RIMKLB: variants seen among roughly 807,000 people sequenced by gnomAD.
The protein encoded by RIMKLB is beta-citrylglutamate synthase B.
RIMKLB carries 7 observed loss-of-function variants against 32.0 expected under a neutral mutation model. The observed-to-expected ratio is 0.22, with a 90% CI of 0.12 to 0.41. The LOEUF (loss-of-function observed/expected upper bound fraction) is 0.41. RIMKLB is among the 10% of genes least tolerant of loss of function. RIMKLB has a pLI of 1.00. For synonymous variants in RIMKLB, 172 were observed against 185.1 expected, an observed-to-expected ratio of 0.93 and a Z score of 0.57; for missense variants, 289 against 498.7, an observed-to-expected ratio of 0.58 and a Z score of 4.00.
chr12:8,754,221 T>A, intron 5 of RIMKLB, 128 bp downstream of exon 5: 1 of 673,140 alleles, frequency 1.5e-6, no homozygotes, highest in Non-Finnish European at 2.6e-6. Flanking sequence ...TACATGTAAA[T>A]ATGATTTTTA....
intron 2 of RIMKLB, among the ~76,000 whole-genome samples, chr12:8,723,801 TC>T (rs1555158695): frequency 1.0e-4 from 14 of 137,250 alleles, no homozygotes; most frequent in African/African-American, 2.7e-4. Context: ...TTTCTTCAGT[TC>T]CCTTTTTTTT....
rs193057826 is a variant in RIMKLB, at chr12:8,772,132, A to G, written c.698-1189A>G. On this transcript the variant is annotated intron_variant, in intron 5 of 5. Transcript: ENST00000535829. ...TTGAACTCCTGACCTCAAGTGATCC[A>G]CCTCAGCCTCCCAAAGTGTTGGGAT... Among the ~76,000 whole-genome samples, 140 of 152,192 alleles carry G rather than the reference A, an allele frequency of 9.2e-4. 2 individuals carry two copies. In the East Asian group the frequency reaches 0.017, roughly 18 times the overall value.
At chr12:8,767,406 C>T (rs1479858056) in intron 5 of RIMKLB, among the ~76,000 whole-genome samples, 1 of 150,490 alleles carries the variant, frequency 6.6e-6, no homozygotes, top group Non-Finnish European at 1.5e-5. Context: ...CCTAAGGACG[C>T]AGTGTAGAGC....
At chr12:8,684,196 T>G (rs1309473666) in intron 1 of RIMKLB, among the ~76,000 whole-genome samples, 1 of 151,492 alleles carries the variant, frequency 6.6e-6, no homozygotes, top group Non-Finnish European at 1.5e-5. Flanking sequence ...TTTTTTTAGA[T>G]GGAGTCTCGC....
intron 5 of RIMKLB, 115 bp from the exon 6 acceptor site, chr12:8,773,206 A>G (rs1427279502): frequency 2.8e-6 from 2 of 714,824 alleles, no homozygotes; most frequent in East Asian, 2.5e-5. Flanking sequence ...ACACTAGAAT[A>G]ACGCCTTTGT....
intron 4 of RIMKLB, 58 bp downstream of exon 4, chr12:8,752,101 T>C: frequency 1.8e-6 from 2 of 1,083,808 alleles, no homozygotes; most frequent in Non-Finnish European, 2.8e-6. Flanking sequence ...CTTATTAATA[T>C]GGAGTGACTT....
chr12:8,705,088 C>T (rs768835608), intron 1 of RIMKLB, among the ~76,000 whole-genome samples: 53 of 151,938 alleles, frequency 3.5e-4, no homozygotes, highest in Middle Eastern at 3.4e-3. Flanking sequence ...GAAGCATGGA[C>T]GAATATAATG....
chr12:8,745,774 A>C lies in RIMKLB; in HGVS notation c.176-4088A>C, dbSNP rs1948029709. On this transcript the variant is annotated intron_variant, in intron 2 of 5. Coordinates refer to ENST00000535829, the MANE Select transcript of RIMKLB (RefSeq NM_001297776.2). The stretch of plus-strand genomic sequence containing the variant: ...CAGTGGCTGGATCTCAGCTCAGTGC[A>C]ACCTCTGCCTCGTAGGTACAAGTGA... Among the ~76,000 whole-genome samples the C allele has an allele frequency of 2.7e-5, 4 of 149,536 alleles. 1 individual carries two copies. The highest frequency in any genetic ancestry group is 1.3e-4 in the Admixed American group (2 of 14,894).
intron 2 of RIMKLB, among the ~76,000 whole-genome samples, chr12:8,734,336 C>A (rs146347437): frequency 2.0e-5 from 3 of 152,214 alleles, no homozygotes; most frequent in Non-Finnish European, 4.4e-5. Context: ...TGTATTTTAA[C>A]ATGGCTGGAA....
intron 2 of RIMKLB, among the ~76,000 whole-genome samples, chr12:8,718,667 A>ATGTGTGTGTG (rs1296960908): frequency 5.5e-4 from 73 of 132,726 alleles, no homozygotes; most frequent in Middle Eastern, 7.5e-3. Context: ...ATATATATAT[A>ATGTGTGTGTG]TATGTGTGTG....
chr12:8,762,958 G>A (rs1949655100), intron 5 of RIMKLB, among the ~76,000 whole-genome samples: 1 of 152,204 alleles, frequency 6.6e-6, no homozygotes, highest in Non-Finnish European at 1.5e-5. Flanking sequence ...TGGAAGAAAT[G>A]TGGCTGGATT....
intron 2 of RIMKLB, among the ~76,000 whole-genome samples, chr12:8,723,687 T>TA (rs202027895): frequency 9.9e-5 from 15 of 151,152 alleles, no homozygotes; most frequent in South Asian, 4.2e-4. Context: ...TTAGGGAACT[T>TA]AAAAAAAAAT....
At position 8,737,643 on chromosome 12, in the gene RIMKLB, T is replaced by C. The variant is rs192289389; in HGVS notation, c.176-12219T>C. Among the ~76,000 whole-genome samples, 210 of 152,234 alleles carry C rather than the reference T, an allele frequency of 1.4e-3. 2 individuals are homozygous for C. In the East Asian group the frequency reaches 0.017, roughly 12 times the overall value. Reference sequence around the variant, plus strand: ...TATGATGTTGTTACAAAATGGATTTTCCCCCCCTCATCTCTATTATTCATT... The same window carrying C: ...TATGATGTTGTTACAAAATGGATTTCCCCCCCCTCATCTCTATTATTCATT... On this transcript the variant is annotated intron_variant, in intron 2 of 5. Coordinates refer to ENST00000535829, the MANE Select transcript of RIMKLB (RefSeq NM_001297776.2).
chr12:8,703,021 C>G (rs1192700300), intron 1 of RIMKLB, among the ~76,000 whole-genome samples: 1 of 152,206 alleles, frequency 6.6e-6, no homozygotes, highest in Non-Finnish European at 1.5e-5. Flanking sequence ...CATGGTGGCT[C>G]ACACCTGTAA....
chr12:8,755,050 C>G (rs1016638645), intron 5 of RIMKLB, among the ~76,000 whole-genome samples: 13 of 152,222 alleles, frequency 8.5e-5, no homozygotes, highest in Non-Finnish European at 1.6e-4. Context: ...CTCATGAGTT[C>G]AAGTGATTCT....
intron 1 of RIMKLB, among the ~76,000 whole-genome samples, chr12:8,690,374 G>A (rs767009806): frequency 2.7e-5 from 4 of 150,658 alleles, no homozygotes; most frequent in Non-Finnish European, 4.4e-5. Context: ...TATTTTTCAC[G>A]TTAGTAAATG....
intron 2 of RIMKLB, among the ~76,000 whole-genome samples, chr12:8,743,566 T>C (rs1287317030): frequency 6.6e-6 from 1 of 151,460 alleles, no homozygotes; most frequent in African/African-American, 2.4e-5. Flanking sequence ...AGCCAAACTC[T>C]GCTTTCAAAA....
At chr12:8,757,222 T>C (rs1336046053) in intron 5 of RIMKLB, among the ~76,000 whole-genome samples, 1 of 152,068 alleles carries the variant, frequency 6.6e-6, no homozygotes, top group Non-Finnish European at 1.5e-5. Flanking sequence ...TATACTTTTT[T>C]CATTAAGTTT....
chr12:8,740,137 C>T (rs1947367870), intron 2 of RIMKLB, among the ~76,000 whole-genome samples: 1 of 152,152 alleles, frequency 6.6e-6, no homozygotes, highest in Non-Finnish European at 1.5e-5. Flanking sequence ...GACTCCTCAC[C>T]TCAAGTGGTC....
Sources: gnomAD v4.1 joint callset for allele counts (sites outside exome capture counted in the v4.1 genomes callset) on GRCh38, gnomAD v4.1.1 for gene constraint, MANE v1.5 for transcripts, NCBI Gene and HGNC (gene_info 2026-07-23, HGNC 2026-07-21) for gene names.